KCND3: variants seen among roughly 807,000 people sequenced by gnomAD.
The protein encoded by KCND3 is A-type voltage-gated potassium channel KCND3.
KCND3 carries 9 observed loss-of-function variants against 51.1 expected under a neutral mutation model. The ratio of observed to expected loss-of-function variants is 0.18; its 90% CI spans 0.11 to 0.31. The LOEUF (loss-of-function observed/expected upper bound fraction) is 0.31. KCND3 is among the 10% of genes least tolerant of loss of function. KCND3 has a pLI of 1.00. For synonymous variants in KCND3, 349 were observed against 368.0 expected, an observed-to-expected ratio of 0.95 and a Z score of 0.59; for missense variants, 526 against 903.8, an observed-to-expected ratio of 0.58 and a Z score of 5.36.
chr1:111,818,974 G>A (rs1263074455), intron 2 of KCND3, among the ~76,000 whole-genome samples: 1 of 152,180 alleles, frequency 6.6e-6, no homozygotes, highest in African/African-American at 2.4e-5. Flanking sequence ...GCTTTTGTAT[G>A]CATTTGTTTT....
chr1:111,915,857 G>A (rs1671189442), intron 2 of KCND3, among the ~76,000 whole-genome samples: 1 of 148,720 alleles, frequency 6.7e-6, no homozygotes, highest in South Asian at 2.1e-4. Flanking sequence ...TAATGATAAA[G>A]GGATAAATTA....
At chr1:111,778,405 A>T (rs1257508319) in intron 6 of KCND3, 31 bp downstream of exon 6, 1 of 1,596,090 alleles carries the variant, frequency 6.3e-7, no homozygotes, top group Non-Finnish European at 8.6e-7. Flanking sequence ...TCAGAGAGAA[A>T]AACATCAATT....
chr1:111,887,502 G>C (rs1321797486), intron 2 of KCND3, among the ~76,000 whole-genome samples: 2 of 152,172 alleles, frequency 1.3e-5, no homozygotes, highest in Non-Finnish European at 2.9e-5. Context: ...GGCCAGCTCA[G>C]CTGCCTCAAG....
chr1:111,776,151 G>A lies in KCND3; in HGVS notation c.1894C>T (p.Pro632Ser). Reference protein sequence around the residue: ...ALTPEGESRPPPASPGPNTNI... With the variant: ...ALTPEGESRPSPASPGPNTNI... The stretch of plus-strand genomic sequence containing the variant: ...GTGTTGGGGCCTGGGCTGGCAGGGG[G>A]TGGCCGACTTTCCCCCTCTGGGGTT... Residue 632 changes from proline (P) to serine (S), a missense_variant, in exon 8 of 8, where the codon CCC becomes TCC. By Grantham distance (74) the Pro-to-Ser change is moderately conservative. Around this residue, in one of 5 missense-constraint regions of KCND3, gnomAD observed 266 missense variants for 305.5 expected, o/e 0.87. Coordinates refer to ENST00000302127, the MANE Select transcript of KCND3 (RefSeq NM_001378969.1). 1 of 1,614,230 alleles carries A rather than the reference G, an allele frequency of 6.2e-7. No homozygotes were observed. Among genetic ancestry groups the A allele is most frequent in the African/African-American group, 1.3e-5 (1 of 75,056 alleles).
At chr1:111,852,914 C>T (rs1667890352) in intron 2 of KCND3, among the ~76,000 whole-genome samples, 1 of 152,220 alleles carries the variant, frequency 6.6e-6, no homozygotes, top group Admixed American at 6.5e-5. Flanking sequence ...CCACAGCACC[C>T]TTTCCCTCCC....
rs377150468 is a variant in KCND3, at chr1:111,957,569, A to G, written c.1106+24052T>C. On this transcript the variant is annotated intron_variant, in intron 2 of 7. Coordinates refer to ENST00000302127, the MANE Select transcript of KCND3 (RefSeq NM_001378969.1). ...ACAATGATATAAGTTTAAAAAAAAA[A>G]AGAGAGATATGTGTTCACATATGCC... Among the ~76,000 whole-genome samples the G allele has an allele frequency of 3.4e-3, 513 of 152,330 alleles. 2 individuals carry two copies. Among genetic ancestry groups the G allele is most frequent in the African/African-American group, 0.011 (446 of 41,564 alleles).
intron 2 of KCND3, among the ~76,000 whole-genome samples, chr1:111,881,065 T>C (rs1038526669): frequency 6.6e-6 from 1 of 152,134 alleles, no homozygotes; most frequent in Non-Finnish European, 1.5e-5. Flanking sequence ...TGGCTCTGTC[T>C]CCCAGCCTGG....
intron 1 of KCND3, among the ~76,000 whole-genome samples, chr1:111,986,743 A>G (rs1037088239): frequency 2.0e-5 from 3 of 152,190 alleles, no homozygotes; most frequent in African/African-American, 4.8e-5. Flanking sequence ...CAAAGAAGGA[A>G]GTAGAGCATC....
At chr1:111,885,902 A>G (rs907749151) in intron 2 of KCND3, among the ~76,000 whole-genome samples, 1 of 151,930 alleles carries the variant, frequency 6.6e-6, no homozygotes, top group African/African-American at 2.4e-5. Flanking sequence ...CGAACTCCTG[A>G]CCTCGTGATC....
At chr1:111,945,632 C>T (rs1672743033) in intron 2 of KCND3, among the ~76,000 whole-genome samples, 1 of 152,224 alleles carries the variant, frequency 6.6e-6, no homozygotes, top group African/African-American at 2.4e-5. Context: ...CTCAGCCTTG[C>T]CCCTTCATCA....
At chr1:111,934,859 T>C (rs562224641) in intron 2 of KCND3, among the ~76,000 whole-genome samples, 134 of 152,262 alleles carry the variant, frequency 8.8e-4, no homozygotes, top group African/African-American at 3.1e-3. Context: ...ATACTAATAG[T>C]ATCTAAGTCA....
intron 2 of KCND3, among the ~76,000 whole-genome samples, chr1:111,846,418 TCTGCTGCTGCTG>T (rs55653915): frequency 2.1e-4 from 31 of 150,828 alleles, no homozygotes; most frequent in East Asian, 5.9e-4. Context: ...CATGACACTC[TCTGCTGCTGCTG>T]CTGCTGCTGC....
At chr1:111,842,347 A>C (rs1667362498) in intron 2 of KCND3, among the ~76,000 whole-genome samples, 1 of 152,092 alleles carries the variant, frequency 6.6e-6, no homozygotes, top group South Asian at 2.1e-4. Context: ...CCATTTTAGC[A>C]TCCCTGTGGG....
chr1:111,933,769 C>G (rs558066274), intron 2 of KCND3, among the ~76,000 whole-genome samples: 176 of 151,928 alleles, frequency 1.2e-3, no homozygotes, highest in Middle Eastern at 3.4e-3. Flanking sequence ...GTGACTTTCA[C>G]TAGACATCTC....
At chr1:111,939,596 G>A (rs1253349950) in intron 2 of KCND3, among the ~76,000 whole-genome samples, 1 of 152,170 alleles carries the variant, frequency 6.6e-6, no homozygotes, top group Non-Finnish European at 1.5e-5. Context: ...TGGTGTATAT[G>A]TGCCACATTT....
At chr1:111,882,844 C>G (rs1669397550) in intron 2 of KCND3, among the ~76,000 whole-genome samples, 1 of 152,116 alleles carries the variant, frequency 6.6e-6, no homozygotes, top group South Asian at 2.1e-4. Context: ...CACCCCAGGA[C>G]CTCGGCCCAG....
intron 2 of KCND3, among the ~76,000 whole-genome samples, chr1:111,876,412 C>A (rs1669052361): frequency 6.6e-6 from 1 of 152,248 alleles, no homozygotes; most frequent in South Asian, 2.1e-4. Context: ...GCTGTTCTGG[C>A]CCAGCCCAGT....
chr1:111,882,130 C>A (rs1205129262), intron 2 of KCND3, among the ~76,000 whole-genome samples: 1 of 152,190 alleles, frequency 6.6e-6, no homozygotes, highest in Non-Finnish European at 1.5e-5. Context: ...AGCTCTGACC[C>A]TTCCCTCTCT....
At position 111,786,933 on chromosome 1, in the gene KCND3, C is replaced by G; in HGVS notation, c.1269+11G>C. The G allele has an allele frequency of 6.2e-7, 1 of 1,614,050 alleles. No homozygotes were observed. Among genetic ancestry groups the G allele is most frequent in the Middle Eastern group, 1.7e-4 (1 of 6,000 alleles). ...TTACACTGCCCCCGCTTCCCTGCGT[C>G]TGAGGCTTACCTTTTGTGCCCTGCG... On this transcript the variant is annotated intron_variant, in intron 3 of 7. Coordinates refer to ENST00000302127, the MANE Select transcript of KCND3 (RefSeq NM_001378969.1).
Sources: gnomAD v4.1 joint callset for allele counts (sites outside exome capture counted in the v4.1 genomes callset) on GRCh38, gnomAD v4.1.1 for gene constraint, gnomAD v4.1.1 regional missense constraint, MANE v1.5 for transcripts, NCBI Gene and HGNC (gene_info 2026-07-23, HGNC 2026-07-21) for gene names.